The following OCA2 variants were observed in gnomAD, a reference collection of about 807,000 sequenced individuals.
OCA2 encodes the protein OCA2 melanosomal transmembrane protein, also known as P protein.
Under a neutral mutation model 100.2 loss-of-function variants are expected in OCA2, and 77 were observed. The ratio of observed to expected loss-of-function variants is 0.77; its 90% confidence interval spans 0.64 to 0.93. The LOEUF is 0.93. Among genes scored for constraint, OCA2 ranks in the 40% least tolerant of loss-of-function variants. The pLI is 0.00. For synonymous variants in OCA2, 432 were observed against 439.2 expected (o/e 0.98, Z 0.21); for missense variants, 1,062 against 1,089.1 (o/e 0.98, Z 0.35).
At chr15:28,026,776 C>T (rs879910699) in intron 4 of OCA2, among the ~76,000 whole-genome samples, 2 of 152,178 alleles carry the variant, frequency 1.3e-5, no homozygotes, top group Non-Finnish European at 2.9e-5. Flanking sequence ...AGCGTGCAGG[C>T]GGGTACACTT....
chr15:27,850,262 C>A lies in OCA2; in HGVS notation c.2338+1120G>T, dbSNP rs548833586. On this transcript the variant is annotated intron_variant, in intron 22 of 23. Transcript: ENST00000354638. ...GGCCCTGTGCACTCAGGGCACACCA[C>A]CGTTACAGGACGTGTCAGTCTATGC... is the stretch of plus-strand genomic sequence containing the variant. Among the ~76,000 whole-genome samples, 96 of 152,298 alleles carry A rather than the reference C, an allele frequency of 6.3e-4. 1 individual carries two copies. The highest frequency in any genetic ancestry group is 8.8e-5 in the Non-Finnish European group (6 of 68,032).
At chr15:27,729,289 A>ATTTTTT in the OCA2 span, among the ~76,000 whole-genome samples, 7 of 111,218 alleles carry the variant, frequency 6.3e-5, no homozygotes, top group East Asian at 5.4e-4. Context: ...ATTATCATCT[A>ATTTTTT]TTTTTTTTTT....
intron 14 of OCA2, among the ~76,000 whole-genome samples, chr15:27,980,818 G>C (rs982938558): frequency 2.6e-5 from 4 of 152,026 alleles, no homozygotes; most frequent in African/African-American, 9.7e-5. Flanking sequence ...TCTTCATCTT[G>C]CTTTCAAATA....
intron 11 of OCA2, among the ~76,000 whole-genome samples, chr15:27,986,892 A>G (rs937188321): frequency 1.3e-5 from 2 of 152,200 alleles, no homozygotes; most frequent in African/African-American, 4.8e-5. Flanking sequence ...AAGGCACATT[A>G]CCATCCCATC....
intron 18 of OCA2, among the ~76,000 whole-genome samples, chr15:27,929,902 A>T (rs915862590): frequency 4.0e-5 from 6 of 151,658 alleles, no homozygotes; most frequent in African/African-American, 1.5e-4. Flanking sequence ...AAATATCACT[A>T]GCCATTAGGG....
chr15:27,856,199 G>A (rs2035942420), intron 21 of OCA2, among the ~76,000 whole-genome samples: 2 of 152,170 alleles, frequency 1.3e-5, no homozygotes, highest in South Asian at 4.2e-4. Flanking sequence ...ATTGGATTAG[G>A]GCCCACCCTG....
chr15:27,873,985 T>C (rs2036688473), intron 19 of OCA2, among the ~76,000 whole-genome samples: 1 of 152,214 alleles, frequency 6.6e-6, no homozygotes, highest in Non-Finnish European at 1.5e-5. Context: ...TTGTGTGGTA[T>C]AAATCAGGAT....
chr15:27,725,974 T>C, the OCA2 span, among the ~76,000 whole-genome samples: 1 of 151,870 alleles, frequency 6.6e-6, no homozygotes, highest in East Asian at 1.9e-4. Flanking sequence ...ACTCTTGCTG[T>C]AATAAGATAC....
intron 22 of OCA2, among the ~76,000 whole-genome samples, chr15:27,851,051 T>C (rs947747663): frequency 2.0e-5 from 3 of 152,200 alleles, no homozygotes; most frequent in Admixed American, 6.5e-5. Context: ...GAAAGAGAAC[T>C]GCAACTGAGG....
intron 22 of OCA2, among the ~76,000 whole-genome samples, chr15:27,850,926 C>G (rs1184342869): frequency 6.6e-6 from 1 of 152,184 alleles, no homozygotes; most frequent in African/African-American, 2.4e-5. Context: ...CCACTCCTCA[C>G]TGTCTCCAAA....
chr15:27,970,383 C>T (rs960618649), intron 14 of OCA2, among the ~76,000 whole-genome samples: 3 of 152,124 alleles, frequency 2.0e-5, no homozygotes, highest in African/African-American at 7.2e-5. Context: ...AATTAACACC[C>T]AAGGGAGTGG....
chr15:28,062,668 T>C (rs1030764260), intron 2 of OCA2, among the ~76,000 whole-genome samples: 1 of 152,226 alleles, frequency 6.6e-6, no homozygotes, highest in African/African-American at 2.4e-5. Flanking sequence ...TGTTTTCTTC[T>C]AGGAGTTTTA....
At chr15:27,860,982 T>C (rs550766777) in intron 21 of OCA2, among the ~76,000 whole-genome samples, 15 of 152,306 alleles carry the variant, frequency 9.8e-5, no homozygotes, top group African/African-American at 3.4e-4. Flanking sequence ...AGGGAGCCTC[T>C]GTGGACCACA....
At chr15:27,937,977 C>G (rs1272961264) in intron 18 of OCA2, among the ~76,000 whole-genome samples, 1 of 152,102 alleles carries the variant, frequency 6.6e-6, no homozygotes, top group Non-Finnish European at 1.5e-5. Flanking sequence ...ATTTAAAAAG[C>G]TGAGTCACAA....
intron 1 of OCA2, among the ~76,000 whole-genome samples, chr15:28,097,264 G>A (rs2141985882): frequency 6.6e-6 from 1 of 152,350 alleles, no homozygotes; most frequent in East Asian, 1.9e-4. Context: ...CCCGCGGGTG[G>A]CCGGCGCAAG....
intron 19 of OCA2, among the ~76,000 whole-genome samples, chr15:27,902,416 C>T (rs1347973948): frequency 6.6e-6 from 1 of 152,142 alleles, no homozygotes; most frequent in East Asian, 1.9e-4. Flanking sequence ...TATAGATTGA[C>T]TAATTAAATT....
At chr15:27,895,250 T>C (rs569063950) in intron 19 of OCA2, among the ~76,000 whole-genome samples, 1 of 152,192 alleles carries the variant, frequency 6.6e-6, no homozygotes, top group Admixed American at 6.5e-5. Context: ...CTGGTGTGTC[T>C]TTATTAGCAG....
chr15:28,046,993 C>T (rs138232030), intron 2 of OCA2, among the ~76,000 whole-genome samples: 101 of 152,256 alleles, frequency 6.6e-4, no homozygotes, highest in African/African-American at 2.4e-3. Context: ...AGATCTGGAA[C>T]AATCCAAAGA....
chr15:27,740,549 AG>A, the OCA2 span, among the ~76,000 whole-genome samples: 5 of 152,198 alleles, frequency 3.3e-5, no homozygotes, highest in Non-Finnish European at 5.9e-5. Context: ...AGTCAACAAA[AG>A]TACATGCAGT....
Sources: allele counts gnomAD v4.1 joint callset (sites outside exome capture counted in the v4.1 genomes callset), GRCh38; gene constraint gnomAD v4.1.1; transcripts MANE v1.5; gene names NCBI Gene and HGNC (gene_info 2026-07-23, HGNC 2026-07-21).